DOCK3: variants seen among roughly 807,000 people sequenced by gnomAD.
DOCK3 encodes the protein dedicator of cytokinesis 3, also known as dedicator of cytokinesis protein 3.
In DOCK3, 60 loss-of-function variants were observed where a neutral mutation model predicts 265.6. The ratio of observed to expected loss-of-function variants is 0.23; its 90% CI spans 0.18 to 0.28. The LOEUF (loss-of-function observed/expected upper bound fraction) is 0.28. DOCK3 is among the 10% of genes least tolerant of loss of function. The pLI is 1.00. For synonymous variants in DOCK3, 881 were observed against 938.0 expected (o/e 0.94, Z 1.11); for missense variants, 1,981 against 2,594.3 (o/e 0.76, Z 5.14).
At chr3:50,790,017 G>A (rs1178177151) in intron 2 of DOCK3, among the ~76,000 whole-genome samples, 2 of 152,306 alleles carry the variant, frequency 1.3e-5, no homozygotes, top group South Asian at 2.1e-4. Flanking sequence ...ACAGGCATGA[G>A]CCACCATGCG....
chr3:50,920,206 T>G (rs1271235732), intron 4 of DOCK3, among the ~76,000 whole-genome samples: 1 of 152,162 alleles, frequency 6.6e-6, no homozygotes, highest in Non-Finnish European at 1.5e-5. Flanking sequence ...GGTGTAAAAT[T>G]TTCTTTTTTT....
intron 23 of DOCK3, among the ~76,000 whole-genome samples, chr3:51,260,835 T>A (rs2079811613): frequency 1.3e-5 from 2 of 151,532 alleles, no homozygotes; most frequent in Non-Finnish European, 1.5e-5. Flanking sequence ...TACAAAAAAA[T>A]TAGCTGGGTG....
In DOCK3 at chr3:51,136,489, C is replaced by T. The variant is rs558888099; in HGVS notation, c.747-10060C>T. On this transcript the variant is annotated intron_variant, in intron 9 of 52. Coordinates refer to ENST00000266037, the MANE Select transcript of DOCK3 (RefSeq NM_004947.5). The stretch of plus-strand genomic sequence containing the variant: ...TCCTGACCTTGTGATCCACCCGTCT[C>T]GGCCTCCCAAAGTGCTGGAATTACA... Among the ~76,000 whole-genome samples, 10 of 152,084 alleles carry T rather than the reference C, an allele frequency of 6.6e-5. No homozygotes were observed. The South Asian group carries it at 1.5e-3, about 22-fold the overall frequency.
chr3:50,985,072 T>G (rs867085101), intron 5 of DOCK3, among the ~76,000 whole-genome samples: 4 of 152,230 alleles, frequency 2.6e-5, no homozygotes, highest in Admixed American at 1.3e-4. Context: ...CACATATGTA[T>G]AAGTCTTAAA....
intron 2 of DOCK3, among the ~76,000 whole-genome samples, chr3:50,789,397 T>G (rs2042349307): frequency 6.6e-6 from 1 of 152,234 alleles, no homozygotes; most frequent in South Asian, 2.1e-4. Context: ...TGGCCTGTAA[T>G]ATGATCTATC....
At chr3:50,943,053 C>T (rs1474226355) in intron 5 of DOCK3, among the ~76,000 whole-genome samples, 2 of 151,872 alleles carry the variant, frequency 1.3e-5, no homozygotes, top group Admixed American at 6.6e-5. Flanking sequence ...ATGTTAAGAA[C>T]ATACTTAACT....
chr3:51,350,427 A>G, intron 40 of DOCK3, 35 bp downstream of exon 40: 1 of 1,589,482 alleles, frequency 6.3e-7, no homozygotes, highest in Non-Finnish European at 8.6e-7. Context: ...GAACTTATAT[A>G]TTTTACGCAT....
At chr3:50,922,357 G>C (rs980844824) in intron 4 of DOCK3, among the ~76,000 whole-genome samples, 30 of 152,232 alleles carry the variant, frequency 2.0e-4, no homozygotes, top group Admixed American at 1.5e-3. Flanking sequence ...CCCTGAGCCA[G>C]GCATGGGATA....
At chr3:51,120,999 G>C (rs1242266079) in intron 9 of DOCK3, among the ~76,000 whole-genome samples, 5 of 152,080 alleles carry the variant, frequency 3.3e-5, no homozygotes, top group Non-Finnish European at 7.4e-5. Context: ...GGCGTTTCAG[G>C]CACCACTGGG....
chr3:50,846,695 T>G (rs902117170), intron 3 of DOCK3, among the ~76,000 whole-genome samples: 2 of 152,186 alleles, frequency 1.3e-5, no homozygotes, highest in Non-Finnish European at 2.9e-5. Flanking sequence ...TTGATATTGG[T>G]CTGTTCAGGG....
At chr3:50,693,649 C>T (rs916150876) in intron 1 of DOCK3, among the ~76,000 whole-genome samples, 3 of 150,870 alleles carry the variant, frequency 2.0e-5, no homozygotes, top group Non-Finnish European at 4.4e-5. Context: ...CATTCTCATG[C>T]CTCAGCCTCC....
At chr3:51,139,800 A>C (rs2084965563) in intron 9 of DOCK3, among the ~76,000 whole-genome samples, 1 of 152,268 alleles carries the variant, frequency 6.6e-6, no homozygotes, top group African/African-American at 2.4e-5. Context: ...CTAAGATCTG[A>C]AGGATGGCAG....
At chr3:50,973,224 G>C (rs2077310189) in intron 5 of DOCK3, among the ~76,000 whole-genome samples, 1 of 149,856 alleles carries the variant, frequency 6.7e-6, no homozygotes. Flanking sequence ...TGCCACGCTG[G>C]TGCGCTGCAC....
rs562221007 is a variant in DOCK3, at chr3:51,093,015, T to C, written c.746+2631T>C. On this transcript the variant is annotated intron_variant, in intron 9 of 52. Transcript: ENST00000266037. ...GATGTGTGGTGTTATTTCTGAGGCC[T>C]CTCTTCTGTTCCATTGGCCTATATA... 6.6e-5 allele frequency among the ~76,000 whole-genome samples: 10 copies of C among 152,320 alleles called. No individual in the cohort carries two copies. The South Asian group carries it at 1.9e-3, about 28-fold the overall frequency.
chr3:50,969,180 G>A (rs2077120655), intron 5 of DOCK3, among the ~76,000 whole-genome samples: 1 of 152,012 alleles, frequency 6.6e-6, no homozygotes, highest in Non-Finnish European at 1.5e-5. Flanking sequence ...TGTATATTTA[G>A]GATTGTTATA....
chr3:50,835,010 A>C (rs2045420488), intron 2 of DOCK3, among the ~76,000 whole-genome samples: 1 of 152,132 alleles, frequency 6.6e-6, no homozygotes, highest in Non-Finnish European at 1.5e-5. Context: ...ATTCTCATAA[A>C]CCTTTTTTAT....
chr3:51,013,896 G>A (rs1206893582), intron 5 of DOCK3, among the ~76,000 whole-genome samples: 2 of 152,174 alleles, frequency 1.3e-5, no homozygotes, highest in Admixed American at 6.5e-5. Flanking sequence ...CCCTCCCCCA[G>A]CCATGCTTGC....
At chr3:51,167,634 T>C (rs1444275392) in intron 12 of DOCK3, among the ~76,000 whole-genome samples, 3 of 152,180 alleles carry the variant, frequency 2.0e-5, no homozygotes, top group Non-Finnish European at 2.9e-5. Context: ...TTCATCAGTG[T>C]TTTATAATTT....
intron 5 of DOCK3, among the ~76,000 whole-genome samples, chr3:50,951,646 A>G (rs2076594919): frequency 6.6e-6 from 1 of 152,174 alleles, no homozygotes; most frequent in Non-Finnish European, 1.5e-5. Context: ...TCTTTCATTT[A>G]TAGTAGGATT....
Sources: allele counts gnomAD v4.1 joint callset (sites outside exome capture counted in the v4.1 genomes callset), GRCh38; gene constraint gnomAD v4.1.1; transcripts MANE v1.5; gene names NCBI Gene and HGNC (gene_info 2026-07-23, HGNC 2026-07-21).